The following PRKN variants were observed in gnomAD, a reference collection of about 807,000 sequenced individuals.
PRKN encodes the protein parkin RBR E3 ubiquitin protein ligase, also known as E3 ubiquitin-protein ligase parkin.
Under a neutral mutation model 59.5 loss-of-function variants are expected in PRKN, and 56 were observed. The ratio of observed to expected loss-of-function variants is 0.94; its 90% confidence interval spans 0.76 to 1.18. PRKN has a LOEUF of 1.18. Ranked by LOEUF, PRKN falls within the 50% of genes most tolerant of loss-of-function variation. The probability of loss-of-function intolerance (pLI) is 0.00; values close to 1 mark genes in which losing one functional copy is unlikely to be tolerated. For synonymous variants in PRKN, 250 were observed against 222.1 expected (o/e 1.13, Z -1.12); for missense variants, 657 against 596.4 (o/e 1.10, Z -1.06).
chr6:162,610,102 A>G (rs568085656), intron 1 of PRKN, among the ~76,000 whole-genome samples: 27 of 152,244 alleles, frequency 1.8e-4, no homozygotes, highest in Non-Finnish European at 3.2e-4. Context: ...TCATATTTAC[A>G]TAGCATGTAC....
rs78317518 is a variant in PRKN at position 161,863,841 on chromosome 6, T to G, written c.735-77933A>C. Among the ~76,000 whole-genome samples, 505 of 152,334 alleles carry G rather than the reference T, an allele frequency of 3.3e-3. 4 individuals are homozygous for G. Among genetic ancestry groups the G allele is most frequent in the Middle Eastern group, 0.017 (5 of 294 alleles). ...CAATAAAGTGAGTCCCATGAATGTT[T>G]TGGTTTCCCAGTGCATATAAAAGCC... On this transcript the variant is annotated intron_variant, in intron 6 of 11. Transcript: ENST00000366898.
chr6:162,247,657 A>G (rs1355684015), intron 3 of PRKN, among the ~76,000 whole-genome samples: 4 of 152,160 alleles, frequency 2.6e-5, no homozygotes, highest in Non-Finnish European at 4.4e-5. Context: ...GGCATAGTAA[A>G]AATACTATTT....
intron 3 of PRKN, among the ~76,000 whole-genome samples, chr6:162,234,100 T>G (rs1037025786): frequency 6.6e-6 from 1 of 152,188 alleles, no homozygotes; most frequent in Admixed American, 6.5e-5. Context: ...AATCATAGTA[T>G]TGAACCTAAC....
intron 6 of PRKN, among the ~76,000 whole-genome samples, chr6:161,924,344 T>G (rs1166038766): frequency 2.6e-5 from 4 of 152,182 alleles, no homozygotes; most frequent in African/African-American, 9.7e-5. Flanking sequence ...TTAGGTACCC[T>G]GCATTAAAAT....
intron 2 of PRKN, among the ~76,000 whole-genome samples, chr6:162,384,278 G>C (rs1458776956): frequency 6.6e-6 from 1 of 152,110 alleles, no homozygotes; most frequent in Admixed American, 6.6e-5. Context: ...TGAGAGATTT[G>C]CAACTCCTCC....
At chr6:162,010,216 ATATACATAATATATATTTTATATATTTAT>A (rs1297793213) in intron 5 of PRKN, among the ~76,000 whole-genome samples, 6,877 of 134,594 alleles carry the variant, frequency 0.051, 253 homozygotes, top group Middle Eastern at 0.095. Flanking sequence ...TATATATTAT[ATATACATAATATATATTTTATATATTTAT>A]TATACATAAT....
At chr6:162,426,545 G>A (rs1789246834) in intron 2 of PRKN, among the ~76,000 whole-genome samples, 1 of 152,152 alleles carries the variant, frequency 6.6e-6, no homozygotes, top group South Asian at 2.1e-4. Flanking sequence ...CTGCCTCCTG[G>A]GCTCAAGCCA....
At chr6:162,274,878 G>T (rs1320576240) in intron 2 of PRKN, 1 of 151,926 alleles carries the variant, frequency 6.6e-6, no homozygotes, top group African/African-American at 2.4e-5. Context: ...TCAGGAGATC[G>T]AGACCATCCT....
intron 7 of PRKN, among the ~76,000 whole-genome samples, chr6:161,757,918 CA>C (rs1789017075): frequency 1.6e-5 from 2 of 123,174 alleles, no homozygotes; most frequent in Admixed American, 8.1e-5. Context: ...CACACACACA[CA>C]CATCTCTCTC....
At chr6:162,576,022 A>C (rs545304704) in intron 1 of PRKN, among the ~76,000 whole-genome samples, 140 of 152,232 alleles carry the variant, frequency 9.2e-4, no homozygotes, top group African/African-American at 3.3e-3. Flanking sequence ...ATTGGTTTAT[A>C]ATGAAGTTCA....
At chr6:162,131,715 T>A (rs1340556874) in intron 4 of PRKN, among the ~76,000 whole-genome samples, 1 of 152,188 alleles carries the variant, frequency 6.6e-6, no homozygotes, top group Non-Finnish European at 1.5e-5. Flanking sequence ...AAGCCTTAAA[T>A]TTTTCCAAAG....
intron 3 of PRKN, among the ~76,000 whole-genome samples, chr6:162,222,435 C>G (rs960037115): frequency 6.6e-6 from 1 of 152,174 alleles, no homozygotes; most frequent in Admixed American, 6.6e-5. Flanking sequence ...TGTGAACTAT[C>G]ATGCTGAGAG....
chr6:162,098,596 C>A (rs1018402039), intron 4 of PRKN, among the ~76,000 whole-genome samples: 11 of 152,160 alleles, frequency 7.2e-5, no homozygotes, highest in African/African-American at 2.7e-4. Flanking sequence ...ACTGTGCTTA[C>A]GTACAACCTT....
At chr6:161,754,408 G>A (rs779524149) in intron 7 of PRKN, among the ~76,000 whole-genome samples, 28 of 152,010 alleles carry the variant, frequency 1.8e-4, no homozygotes, top group Non-Finnish European at 2.5e-4. Flanking sequence ...GCAAAAACAC[G>A]CGGGGCATCC....
chr6:161,765,538 A>C (rs1297346093), intron 7 of PRKN, among the ~76,000 whole-genome samples: 1 of 152,222 alleles, frequency 6.6e-6, no homozygotes, highest in Admixed American at 6.5e-5. Context: ...ACAGTTAAGC[A>C]TACTTTATAG....
intron 6 of PRKN, among the ~76,000 whole-genome samples, chr6:161,936,753 C>T (rs759612343): frequency 7.3e-5 from 11 of 151,496 alleles, no homozygotes; most frequent in Non-Finnish European, 1.0e-4. Flanking sequence ...CTTTACAATC[C>T]TAATTTGGCT....
At chr6:161,615,760 A>C (rs1346431710) in intron 7 of PRKN, among the ~76,000 whole-genome samples, 1 of 152,236 alleles carries the variant, frequency 6.6e-6, no homozygotes, top group African/African-American at 2.4e-5. Flanking sequence ...CTCCTCCTGC[A>C]TGCAATGGGG....
chr6:162,247,243 A>C (rs1021363974), intron 3 of PRKN, among the ~76,000 whole-genome samples: 6 of 152,200 alleles, frequency 3.9e-5, no homozygotes, highest in African/African-American at 1.4e-4. Flanking sequence ...GCTGAGACTT[A>C]AATAGAAGAA....
At chr6:162,070,906 T>C (rs1778548571) in intron 4 of PRKN, among the ~76,000 whole-genome samples, 1 of 152,030 alleles carries the variant, frequency 6.6e-6, no homozygotes, top group South Asian at 2.1e-4. Context: ...TGGGCACCGC[T>C]GCCCTAGGGC....
Sources: gnomAD v4.1 joint callset for allele counts (sites outside exome capture counted in the v4.1 genomes callset) on GRCh38, gnomAD v4.1.1 for gene constraint, MANE v1.5 for transcripts, NCBI Gene and HGNC (gene_info 2026-07-23, HGNC 2026-07-21) for gene names.